Variants in SP140L observed in about 807,000 individuals in gnomAD.
The protein encoded by SP140L is SP140 like nuclear body protein, also known as nuclear body protein SP140-like protein.
In SP140L, 64 loss-of-function variants were observed where a neutral mutation model predicts 84.3. The observed-to-expected ratio is 0.76, with a 90% confidence interval of 0.62 to 0.94. The LOEUF is 0.94. Ranked by LOEUF, SP140L falls within the 40% of genes least tolerant of loss-of-function variation. The pLI is 0.00. For synonymous variants in SP140L, 242 were observed against 236.9 expected, an observed-to-expected ratio of 1.02 and a Z score of -0.20; for missense variants, 628 against 692.5, an observed-to-expected ratio of 0.91 and a Z score of 1.05.
intron 12 of SP140L, among the ~76,000 whole-genome samples, chr2:230,392,890 G>T (rs1169977669): frequency 6.6e-6 from 1 of 152,162 alleles, no homozygotes; most frequent in Non-Finnish European, 1.5e-5. Flanking sequence ...AATATTCACT[G>T]ACCTATAGCC....
intron 4 of SP140L, 62 bp downstream of exon 4, chr2:230,359,194 T>C (rs2060640390): frequency 2.8e-6 from 4 of 1,415,160 alleles, no homozygotes; most frequent in Non-Finnish European, 4.0e-6. Flanking sequence ...TAAGCATATG[T>C]TTGAGCTCCT....
chr2:230,391,877 C>T, intron 11 of SP140L: 1 of 576,988 alleles, frequency 1.7e-6, no homozygotes, highest in Non-Finnish European at 3.0e-6. Flanking sequence ...GGGTGAAGGT[C>T]AAAGACATGT....
intron 14 of SP140L, 104 bp downstream of exon 14, chr2:230,396,902 G>A (rs1485330050): frequency 1.4e-6 from 2 of 1,405,788 alleles, no homozygotes; most frequent in African/African-American, 1.4e-5. Flanking sequence ...TTCAGTCTCA[G>A]TTGGAGTATG....
chr2:230,375,502 A>G (rs2061215193), intron 7 of SP140L, among the ~76,000 whole-genome samples: 3 of 152,184 alleles, frequency 2.0e-5, no homozygotes, highest in Admixed American at 2.0e-4. Flanking sequence ...ACCAATTTAC[A>G]TTCCCACTTA....
Position 230,392,245 on chromosome 2 carries a change from G to A in SP140L, c.1107+16G>A, listed in dbSNP as rs2061846276. The A allele has an allele frequency of 6.2e-7, 1 of 1,613,404 alleles. No individual in the cohort carries two copies. Among genetic ancestry groups the A allele is most frequent in the Non-Finnish European group, 8.5e-7 (1 of 1,179,826 alleles). On this transcript the variant is annotated intron_variant, in intron 12 of 18. Transcript: ENST00000415673. The stretch of plus-strand genomic sequence containing the variant: ...GCTGATGGAGGTATTCCAATGACAA[G>A]AGGCCAGACCTGTGCCCATTCTTCT...
intron 1 of SP140L, 65 bp downstream of exon 1, chr2:230,327,366 G>T: frequency 6.4e-7 from 1 of 1,559,166 alleles, no homozygotes; most frequent in Admixed American, 1.9e-5. Context: ...CATGCCTGTA[G>T]TTCAGTTTCT....
At chr2:230,329,864 CGT>C (rs999111468) in intron 2 of SP140L, among the ~76,000 whole-genome samples, 30 of 152,240 alleles carry the variant, frequency 2.0e-4, no homozygotes, top group African/African-American at 6.3e-4. Flanking sequence ...AAAAATTGAT[CGT>C]GTTTATTTTT....
chr2:230,384,031 A>T (rs1014693487), intron 8 of SP140L, among the ~76,000 whole-genome samples: 1 of 152,134 alleles, frequency 6.6e-6, no homozygotes, highest in African/African-American at 2.4e-5. Context: ...GCAATTATTT[A>T]TCTGTGTGTA....
chr2:230,390,872 T>C (rs368750276), intron 11 of SP140L, among the ~76,000 whole-genome samples: 1 of 152,312 alleles, frequency 6.6e-6, no homozygotes, highest in African/African-American at 2.4e-5. Context: ...TGTCAATTAG[T>C]AGTCAATGCC....
chr2:230,394,077 G>A (rs559348670), intron 13 of SP140L, among the ~76,000 whole-genome samples: 1 of 152,272 alleles, frequency 6.6e-6, no homozygotes, highest in Admixed American at 6.5e-5. Flanking sequence ...TGGTGCCATT[G>A]GGGAGGAAGA....
Position 230,393,455 on chromosome 2 carries a change from C to G in SP140L, c.1149C>G (p.Asn383Lys). The G allele has an allele frequency of 6.4e-7, 1 of 1,573,912 alleles. No individual in the cohort carries two copies. Among genetic ancestry groups the G allele is most frequent in the Non-Finnish European group, 8.6e-7 (1 of 1,162,576 alleles). ...LPNPPRIYYR[N>K]KKRILKSQNN... ...ATCCTCCAAGAATATATTACAGGAA[C>G]AAAAAGGTGATTATTACATAATTTT... is the stretch of plus-strand genomic sequence containing the variant. The change falls in exon 13 of 19, where the codon AAC becomes AAG. Residue 383 changes from asparagine to lysine, a missense_variant. Asn to Lys is a moderately conservative substitution (Grantham distance 94). This residue lies in a region of SP140L where 525 missense variants were observed against 518.4 expected (regional missense o/e 1.01). Transcript: ENST00000415673.
chr2:230,354,607 A>G (rs796516977), intron 2 of SP140L, among the ~76,000 whole-genome samples: 9 of 152,114 alleles, frequency 5.9e-5, no homozygotes, highest in African/African-American at 2.2e-4. Context: ...ATCTCTACAA[A>G]ATATAAAAAT....
At position 230,381,879 on chromosome 2, in the gene SP140L, C is replaced by G. The variant is rs1311820657; in HGVS notation, c.638-1631C>G. On this transcript the variant is annotated intron_variant, in intron 7 of 18. Transcript: ENST00000415673. ...TAATGCCTGGCTTTCATACAATAAG[C>G]ACAATCCCCAGAGCACACAAGGTGT... 3.9e-5 allele frequency among the ~76,000 whole-genome samples: 6 copies of G among 152,316 alleles called. No homozygotes were observed. The East Asian group carries it at 1.2e-3, about 29-fold the overall frequency.
chr2:230,362,458 A>G (rs988544968), intron 5 of SP140L, among the ~76,000 whole-genome samples: 2 of 152,142 alleles, frequency 1.3e-5, no homozygotes, highest in African/African-American at 2.4e-5. Flanking sequence ...TTCAAAGAGA[A>G]ATGCACTCAT....
At chr2:230,356,818 A>T (rs1298047408) in intron 2 of SP140L, among the ~76,000 whole-genome samples, 1 of 152,150 alleles carries the variant, frequency 6.6e-6, no homozygotes, top group Non-Finnish European at 1.5e-5. Context: ...GAAATCTCTT[A>T]TGTGCTCATT....
At chr2:230,380,073 G>T (rs1004767950) in intron 7 of SP140L, among the ~76,000 whole-genome samples, 1 of 152,184 alleles carries the variant, frequency 6.6e-6, no homozygotes, top group Non-Finnish European at 1.5e-5. Context: ...TAAGGAAAAA[G>T]AATACAGGTT....
chr2:230,354,464 G>T (rs1333262494), intron 2 of SP140L, among the ~76,000 whole-genome samples: 1 of 152,048 alleles, frequency 6.6e-6, no homozygotes, highest in African/African-American at 2.4e-5. Context: ...AAAATTCTCA[G>T]CAAGTTAGAA....
chr2:230,385,254 C>T lies in SP140L; in HGVS notation c.734C>T (p.Ser245Leu), dbSNP rs750041770. 4.2e-5 allele frequency: 68 copies of T among 1,613,562 alleles called. No homozygotes were observed. The highest frequency in any genetic ancestry group is 5.3e-5 in the Non-Finnish European group (62 of 1,179,774). Reference sequence around the variant, plus strand: ...AGCAAAGCCGATGGCCAGCTGGTCTCGAGTGAAAAGAAGGCGAACATGAAT... The same window carrying T: ...AGCAAAGCCGATGGCCAGCTGGTCTTGAGTGAAAAGAAGGCGAACATGAAT... ...DNSKADGQLV[S>L]SEKKANMNLK... Residue 245 changes from serine to leucine, a missense_variant, in exon 9 of 19, where the codon TCG becomes TTG. This residue lies in a region of SP140L where 525 missense variants were observed against 518.4 expected (regional missense o/e 1.01). Transcript: ENST00000415673.
At chr2:230,370,432 C>CT (rs2061026406) in intron 5 of SP140L, among the ~76,000 whole-genome samples, 1 of 152,166 alleles carries the variant, frequency 6.6e-6, no homozygotes, top group African/African-American at 2.4e-5. Flanking sequence ...TAAAGGCCTA[C>CT]TAACATAATG....
Sources: allele counts gnomAD v4.1 joint callset (sites outside exome capture counted in the v4.1 genomes callset), GRCh38; gene constraint gnomAD v4.1.1; regional missense constraint gnomAD v4.1.1; transcripts MANE v1.5; gene names NCBI Gene and HGNC (gene_info 2026-07-23, HGNC 2026-07-21).